PCDH15: variants seen among roughly 807,000 people sequenced by gnomAD.
PCDH15 encodes protocadherin related 15.
A neutral mutation model predicts 178.5 loss-of-function variants in PCDH15; 129 were observed. The ratio of observed to expected loss-of-function variants is 0.72; its 90% CI spans 0.63 to 0.84. PCDH15 has a LOEUF of 0.84. Among genes scored for constraint, PCDH15 ranks in the 40% least tolerant of loss-of-function variants. The pLI, the probability that PCDH15 is intolerant of heterozygous loss-of-function variation, is 0.00. For missense variants in PCDH15, 2,230 were observed against 2,099.9 expected (o/e 1.06, Z -1.21); for synonymous variants, 800 against 732.0 (o/e 1.09, Z -1.50).
chr10:54,018,885 T>C lies in PCDH15; in HGVS notation c.2751+1307A>G, dbSNP rs143796342. On this transcript the variant is annotated intron_variant, in intron 20 of 37. Coordinates refer to ENST00000644397, the MANE Select transcript of PCDH15 (RefSeq NM_001384140.1). Reference sequence around the variant, plus strand: ...TGAGCCATAATTATCAATTATATTTTTGGGGGTAGAACATAGATACAACTG... The same window carrying C: ...TGAGCCATAATTATCAATTATATTTCTGGGGGTAGAACATAGATACAACTG... Among the ~76,000 whole-genome samples, 351 of 152,210 alleles carry C rather than the reference T, an allele frequency of 2.3e-3. 3 individuals carry two copies. Among genetic ancestry groups the C allele is most frequent in the Non-Finnish European group, 1.5e-3 (103 of 67,958 alleles).
intron 2 of PCDH15, among the ~76,000 whole-genome samples, chr10:55,364,521 T>C (rs1845306418): frequency 6.6e-6 from 1 of 152,260 alleles, no homozygotes; most frequent in Non-Finnish European, 1.5e-5. Flanking sequence ...CTCTGGTCTT[T>C]AGCAGTTTTA....
At chr10:54,468,858 G>A (rs1162821301) in intron 3 of PCDH15, among the ~76,000 whole-genome samples, 1 of 151,972 alleles carries the variant, frequency 6.6e-6, no homozygotes, top group Non-Finnish European at 1.5e-5. Flanking sequence ...ATTTACAGTT[G>A]TTATATTCTT....
At position 55,368,668 on chromosome 10, in the gene PCDH15, C is replaced by T. The variant is rs114476341; in HGVS notation, c.-155-202017G>A. 5.7e-3 allele frequency among the ~76,000 whole-genome samples: 861 copies of T among 152,076 alleles called. 10 individuals carry two copies. The highest frequency in any genetic ancestry group is 0.02 in the African/African-American group (816 of 41,528). ...AACACTGGTAGTTCTAAGAATAATGCCATATCTACACAGTAAGACTTAATG... is the reference window on the plus strand; with the variant it reads ...AACACTGGTAGTTCTAAGAATAATGTCATATCTACACAGTAAGACTTAATG... On this transcript the variant is annotated intron_variant, in intron 2 of 5. Transcript: ENST00000613346.
chr10:54,895,603 T>C (rs1361073640), intron 3 of PCDH15, among the ~76,000 whole-genome samples: 2 of 152,206 alleles, frequency 1.3e-5, no homozygotes, highest in Non-Finnish European at 2.9e-5. Context: ...TTTAACTATA[T>C]GATGCCAACT....
chr10:54,154,000 T>C (rs1409568335), intron 13 of PCDH15, among the ~76,000 whole-genome samples: 2 of 152,174 alleles, frequency 1.3e-5, no homozygotes, highest in African/African-American at 4.8e-5. Flanking sequence ...AAATTAAGCA[T>C]GTAAACATCT....
At chr10:54,950,428 A>ATG (rs1564657262) in intron 2 of PCDH15, among the ~76,000 whole-genome samples, 2 of 151,822 alleles carry the variant, frequency 1.3e-5, no homozygotes, top group Admixed American at 1.3e-4. Context: ...TGAGTCTTAC[A>ATG]AGATCTGATG....
At chr10:54,996,371 T>C (rs1839644141) in intron 2 of PCDH15, among the ~76,000 whole-genome samples, 2 of 152,180 alleles carry the variant, frequency 1.3e-5, no homozygotes, top group South Asian at 4.1e-4. Flanking sequence ...GAATTTCCAT[T>C]TGAAGGTTGA....
At chr10:54,801,612 C>T (rs1004632615), upstream of PCDH15, among the ~76,000 whole-genome samples, 4 of 152,084 alleles carry the variant, frequency 2.6e-5, no homozygotes, top group African/African-American at 9.7e-5. Flanking sequence ...TCTTAAGCTT[C>T]TTTTATCATT....
At chr10:55,467,475 T>C (rs1839855595) in intron 2 of PCDH15, among the ~76,000 whole-genome samples, 1 of 151,904 alleles carries the variant, frequency 6.6e-6, no homozygotes, top group African/African-American at 2.4e-5. Flanking sequence ...GAATATTTTA[T>C]AAACCTTCAC....
intron 13 of PCDH15, among the ~76,000 whole-genome samples, chr10:54,167,499 T>G (rs939638336): frequency 1.3e-5 from 2 of 152,066 alleles, no homozygotes; most frequent in African/African-American, 4.8e-5. Flanking sequence ...GACGCCTGAT[T>G]ATACACCCAC....
chr10:54,257,082 T>TAGATAGATAGAC (rs1564803722), intron 8 of PCDH15, among the ~76,000 whole-genome samples: 1 of 151,848 alleles, frequency 6.6e-6, no homozygotes, highest in African/African-American at 2.4e-5. Flanking sequence ...GATAGATAGA[T>TAGATAGATAGAC]AGATAGATAC....
At chr10:55,430,984 C>T (rs1368136628) in intron 2 of PCDH15, among the ~76,000 whole-genome samples, 1 of 152,146 alleles carries the variant, frequency 6.6e-6, no homozygotes, top group Non-Finnish European at 1.5e-5. Context: ...CAGGATTAGG[C>T]ATCACTGGCT....
rs1407278802 is a variant in PCDH15 at position 54,853,434 on chromosome 10, C to CATACACATATAT, written c.-29+44004_-29+44015dup. Among the ~76,000 whole-genome samples the CATACACATATAT allele has an allele frequency of 1.1e-3, 148 of 140,578 alleles. 1 individual carries two copies. Among genetic ancestry groups the CATACACATATAT allele is most frequent in the Non-Finnish European group, 2.1e-3 (133 of 64,848 alleles). 92.2% of individuals were successfully genotyped at this position (140,578 alleles called of 152,430 possible). On this transcript the variant is annotated intron_variant, in intron 3 of 5. Transcript: ENST00000458638. ...ATATACACATACATATATATATACA[C>CATACACATATAT]ATACACATATATATATATACACATA...
chr10:54,210,252 T>C (rs1025275358), intron 10 of PCDH15, among the ~76,000 whole-genome samples: 1 of 152,040 alleles, frequency 6.6e-6, no homozygotes, highest in African/African-American at 2.4e-5. Flanking sequence ...TTGTATCAAA[T>C]GCACACACAT....
intron 2 of PCDH15, among the ~76,000 whole-genome samples, chr10:55,355,068 T>C (rs886086140): frequency 6.6e-6 from 1 of 152,062 alleles, no homozygotes; most frequent in Non-Finnish European, 1.5e-5. Flanking sequence ...ACCCAAGATG[T>C]TATATTTATA....
chr10:55,368,779 C>CA (rs1845425408), intron 2 of PCDH15, among the ~76,000 whole-genome samples: 2 of 151,984 alleles, frequency 1.3e-5, no homozygotes, highest in Non-Finnish European at 2.9e-5. Flanking sequence ...ACTCTTTTGA[C>CA]ACTTGAATCA....
chr10:54,931,276 C>A lies in PCDH15; in HGVS notation c.-79-33776G>T, dbSNP rs114121401. Among the ~76,000 whole-genome samples the A allele has an allele frequency of 6.0e-3, 913 of 152,246 alleles. 10 individuals carry two copies. The highest frequency in any genetic ancestry group is 0.02 in the African/African-American group (825 of 41,546). On this transcript the variant is annotated intron_variant, in intron 2 of 5. Coordinates refer to the PCDH15 transcript ENST00000458638. Reference sequence around the variant, plus strand: ...TATATTCTGTTAAACAGAAACATATCATTTATTTCAAATAAATCATTGTGT... The same window carrying A: ...TATATTCTGTTAAACAGAAACATATAATTTATTTCAAATAAATCATTGTGT...
intron 15 of PCDH15, among the ~76,000 whole-genome samples, chr10:54,125,713 TA>T (rs2041932595): frequency 6.6e-6 from 1 of 152,148 alleles, no homozygotes. Context: ...TTGGGAGTAT[TA>T]AAAATGGAGA....
chr10:55,111,259 TAAAAC>T (rs1837493845), intron 2 of PCDH15, among the ~76,000 whole-genome samples: 1 of 152,142 alleles, frequency 6.6e-6, no homozygotes, highest in Non-Finnish European at 1.5e-5. Flanking sequence ...TAAATCCTCT[TAAAAC>T]AAAAACAATT....
Sources: allele counts gnomAD v4.1 joint callset (sites outside exome capture counted in the v4.1 genomes callset), GRCh38; gene constraint gnomAD v4.1.1; transcripts MANE v1.5; gene names NCBI Gene and HGNC (gene_info 2026-07-23, HGNC 2026-07-21).